TRMT11: variants seen among roughly 807,000 people sequenced by gnomAD.
The protein encoded by TRMT11 is tRNA methyltransferase 11, also known as tRNA (guanine(10)-N(2))-methyltransferase TRMT11.
In TRMT11, 53 loss-of-function variants were observed where a neutral mutation model predicts 62.8. That is an observed-to-expected ratio of 0.84 (90% CI 0.68 to 1.06). The LOEUF (loss-of-function observed/expected upper bound fraction) is 1.06, where lower values mean the gene tolerates loss of function less well. Ranked by LOEUF, TRMT11 falls within the 50% of genes least tolerant of loss-of-function variation. TRMT11 has a pLI of 0.00. For missense variants in TRMT11, 556 were observed against 553.4 expected (o/e 1.00, Z -0.05); for synonymous variants, 188 against 190.3 (o/e 0.99, Z 0.10).
At chr6:126,250,470 T>C in the TRMT11 span, among the ~76,000 whole-genome samples, 1 of 152,190 alleles carries the variant, frequency 6.6e-6, no homozygotes, top group Non-Finnish European at 1.5e-5. Flanking sequence ...TCATATCTTA[T>C]AAATGAAAGG....
At chr6:126,236,966 G>A in the TRMT11 span, among the ~76,000 whole-genome samples, 1 of 151,980 alleles carries the variant, frequency 6.6e-6, no homozygotes. Context: ...TCACTCACAG[G>A]AAATCTTTCT....
At chr6:126,202,124 T>G (rs1028117454) in exon 4 of TRMT11, 1 of 152,200 alleles carries the variant, frequency 6.6e-6, no homozygotes, top group Non-Finnish European at 1.5e-5. Context: ...TAAACTAACT[T>G]AAACTCATAT....
intron 17 of TRMT11, among the ~76,000 whole-genome samples, chr6:126,110,033 A>G (rs56218715): frequency 0.017 from 2,651 of 152,276 alleles, 59 homozygotes; most frequent in African/African-American, 0.058. Flanking sequence ...GAGGAAGAGA[A>G]TCAGAAGATT....
chr6:126,250,575 G>A, the TRMT11 span, among the ~76,000 whole-genome samples: 1 of 152,050 alleles, frequency 6.6e-6, no homozygotes, highest in African/African-American at 2.4e-5. Flanking sequence ...TTTGGATGAG[G>A]CAAGCATCAA....
intron 16 of TRMT11, among the ~76,000 whole-genome samples, chr6:126,048,661 G>A (rs117682943): frequency 1.3e-5 from 2 of 152,132 alleles, no homozygotes; most frequent in Non-Finnish European, 2.9e-5. Flanking sequence ...GTTATAGACA[G>A]GACACAAGTA....
chr6:126,052,295 G>A (rs755371010), intron 16 of TRMT11, among the ~76,000 whole-genome samples: 6 of 152,110 alleles, frequency 3.9e-5, no homozygotes, highest in Non-Finnish European at 7.4e-5. Flanking sequence ...AAAGAAATAC[G>A]CAGGCTGCCG....
chr6:126,093,363 C>T (rs193269652), intron 17 of TRMT11, among the ~76,000 whole-genome samples: 9 of 151,594 alleles, frequency 5.9e-5, no homozygotes, highest in South Asian at 2.1e-4. Flanking sequence ...TCATTTCATA[C>T]TCTCCGGTTT....
upstream of TRMT11, among the ~76,000 whole-genome samples, chr6:126,173,265 C>G (rs1778350337): frequency 6.6e-6 from 1 of 152,120 alleles, no homozygotes; most frequent in African/African-American, 2.4e-5. Flanking sequence ...TATGATTTGT[C>G]TTGGCAAAGC....
chr6:126,012,656 T>C (rs145981877), intron 9 of TRMT11, 115 bp from the exon 10 acceptor site: 329 of 665,830 alleles, frequency 4.9e-4, no homozygotes, highest in Non-Finnish European at 7.1e-4. Context: ...GATTTGTGCA[T>C]TGGTGATGTT....
rs1334183704 is a variant in TRMT11 at position 126,081,977 on chromosome 6, C to T, written c.*1437+28787C>T. ...TTTTCCTTTTCAAAACAGTTTCTGGCTTGCTACTGGACCACCCAAAGACTA... is the reference window on the plus strand; with the variant it reads ...TTTTCCTTTTCAAAACAGTTTCTGGTTTGCTACTGGACCACCCAAAGACTA... On this transcript the variant is annotated intron_variant and NMD_transcript_variant, in intron 17 of 22. Transcript: ENST00000648977. Among the ~76,000 whole-genome samples, 4 of 152,216 alleles carry T rather than the reference C, an allele frequency of 2.6e-5. 1 individual carries two copies. The highest frequency in any genetic ancestry group is 7.2e-5 in the African/African-American group (3 of 41,454).
chr6:126,030,789 G>A (rs1453242647), intron 12 of TRMT11, among the ~76,000 whole-genome samples: 2 of 152,168 alleles, frequency 1.3e-5, no homozygotes, highest in Non-Finnish European at 2.9e-5. Context: ...AAGCCATTTG[G>A]TTTTCTGCTG....
intron 21 of TRMT11, among the ~76,000 whole-genome samples, chr6:126,149,627 A>G (rs1011021045): frequency 6.6e-6 from 1 of 152,178 alleles, no homozygotes; most frequent in Non-Finnish European, 1.5e-5. Flanking sequence ...ACTGGTTTTC[A>G]TATTACTTTA....
intron 1 of TRMT11, among the ~76,000 whole-genome samples, chr6:126,197,918 C>T (rs1018193765): frequency 7.2e-5 from 11 of 152,118 alleles, no homozygotes; most frequent in African/African-American, 2.7e-4. Context: ...ACACAAAGGA[C>T]ATATACCATC....
chr6:126,244,663 T>C, the TRMT11 span, among the ~76,000 whole-genome samples: 2 of 152,218 alleles, frequency 1.3e-5, no homozygotes, highest in African/African-American at 4.8e-5. Flanking sequence ...ACAACTCTAA[T>C]GTGTTCATGG....
chr6:126,096,385 G>A (rs1323240595), intron 17 of TRMT11, among the ~76,000 whole-genome samples: 1 of 152,160 alleles, frequency 6.6e-6, no homozygotes, highest in African/African-American at 2.4e-5. Context: ...CCATTCTGTA[G>A]ATCATAGGTC....
At chr6:126,235,259 T>G in the TRMT11 span, among the ~76,000 whole-genome samples, 2 of 151,938 alleles carry the variant, frequency 1.3e-5, no homozygotes, top group Admixed American at 1.3e-4. Context: ...TTTGTGGGAG[T>G]GTAAATTAGT....
At chr6:126,154,917 T>C (rs752695011) in intron 21 of TRMT11, among the ~76,000 whole-genome samples, 4 of 152,150 alleles carry the variant, frequency 2.6e-5, no homozygotes, top group Non-Finnish European at 4.4e-5. Flanking sequence ...TGATGGACTG[T>C]TTTAGACCTA....
intron 17 of TRMT11, among the ~76,000 whole-genome samples, chr6:126,078,740 C>T (rs1229341326): frequency 1.3e-5 from 2 of 152,196 alleles, no homozygotes; most frequent in East Asian, 3.9e-4. Flanking sequence ...AGTCATGGGG[C>T]AAAAAGTGAC....
chr6:126,126,648 G>A (rs1777722452), intron 21 of TRMT11, among the ~76,000 whole-genome samples: 2 of 152,016 alleles, frequency 1.3e-5, no homozygotes, highest in South Asian at 4.1e-4. Flanking sequence ...TTGGGCTATG[G>A]GCATCCCTTA....
Sources: gnomAD v4.1 joint callset for allele counts (sites outside exome capture counted in the v4.1 genomes callset) on GRCh38, gnomAD v4.1.1 for gene constraint, MANE v1.5 for transcripts, NCBI Gene and HGNC (gene_info 2026-07-23, HGNC 2026-07-21) for gene names.